The following UQCC1 variants were observed in gnomAD, a reference collection of about 807,000 sequenced individuals.
UQCC1 encodes the protein bFGF-repressed Zic-binding protein.
Under a neutral mutation model 48.0 loss-of-function variants are expected in UQCC1, and 38 were observed. The observed-to-expected ratio is 0.79, with a 90% CI of 0.61 to 1.04. UQCC1 has a LOEUF of 1.04. Among genes scored for constraint, UQCC1 ranks in the 50% least tolerant of loss-of-function variants. The probability of loss-of-function intolerance (pLI) is 0.00; values close to 1 mark genes in which losing one functional copy is unlikely to be tolerated. For synonymous variants in UQCC1, 111 were observed against 129.2 expected (o/e 0.86, Z 0.95); for missense variants, 368 against 381.8 (o/e 0.96, Z 0.30).
At chr20:35,404,119 C>A (rs755481927) in intron 1 of UQCC1, among the ~76,000 whole-genome samples, 1 of 151,464 alleles carries the variant, frequency 6.6e-6, no homozygotes, top group Non-Finnish European at 1.5e-5. Context: ...CAGTGGCTCA[C>A]GCTTGTAATC....
intron 1 of UQCC1, among the ~76,000 whole-genome samples, chr20:35,411,275 G>T (rs1440586709): frequency 6.6e-6 from 1 of 152,144 alleles, no homozygotes; most frequent in Non-Finnish European, 1.5e-5. Context: ...TTTCACACAC[G>T]GGTGCTAAAG....
chr20:35,410,890 A>C (rs761549224), intron 1 of UQCC1, among the ~76,000 whole-genome samples: 15 of 151,584 alleles, frequency 9.9e-5, no homozygotes, highest in Non-Finnish European at 1.8e-4. Flanking sequence ...TCTGGCAGTT[A>C]CAGGGGCTAC....
chr20:35,367,057 G>A (rs550196281), intron 5 of UQCC1, among the ~76,000 whole-genome samples: 49 of 139,668 alleles, frequency 3.5e-4, no homozygotes, highest in African/African-American at 1.2e-3. Context: ...TCACGTCACT[G>A]CACTCCAGCC....
At chr20:35,382,108 C>A in intron 3 of UQCC1, 83 bp from the exon 4 acceptor site, 1 of 836,750 alleles carries the variant, frequency 1.2e-6, no homozygotes. Flanking sequence ...GGTCTGAGAG[C>A]ATTTTTTTTT....
chr20:35,406,280 T>C (rs1015487880), intron 1 of UQCC1, among the ~76,000 whole-genome samples: 3 of 152,034 alleles, frequency 2.0e-5, no homozygotes, highest in African/African-American at 7.2e-5. Context: ...TAACTCCAAA[T>C]AGGATAAACA....
intron 1 of UQCC1, among the ~76,000 whole-genome samples, chr20:35,397,438 C>A (rs1237828209): frequency 6.7e-6 from 1 of 150,350 alleles, no homozygotes; most frequent in East Asian, 2.0e-4. Context: ...ATGGCATGAA[C>A]CCGGGAGGCG....
intron 2 of UQCC1, chr20:35,392,368 A>G: frequency 9.3e-7 from 1 of 1,076,562 alleles, no homozygotes; most frequent in Middle Eastern, 2.4e-4. Context: ...TCTGGTCAGC[A>G]TGAGATAAAC....
intron 2 of UQCC1, among the ~76,000 whole-genome samples, chr20:35,389,700 AG>A (rs1393883045): frequency 1.3e-5 from 2 of 152,272 alleles, no homozygotes; most frequent in African/African-American, 2.4e-5. Flanking sequence ...TTCTTACAAC[AG>A]AGTTCCAGTT....
intron 1 of UQCC1, among the ~76,000 whole-genome samples, chr20:35,399,331 C>G (rs2062126238): frequency 6.6e-6 from 1 of 152,154 alleles, no homozygotes; most frequent in East Asian, 1.9e-4. Flanking sequence ...CAGTGGTTTC[C>G]AAGGACCTCT....
intron 6 of UQCC1, among the ~76,000 whole-genome samples, chr20:35,354,877 A>T (rs1435701178): frequency 6.6e-6 from 1 of 152,210 alleles, no homozygotes; most frequent in East Asian, 1.9e-4. Context: ...AAGTGACATA[A>T]ACAAGAGTTA....
At chr20:35,339,317 T>C (rs2061352321) in intron 7 of UQCC1, among the ~76,000 whole-genome samples, 1 of 152,124 alleles carries the variant, frequency 6.6e-6, no homozygotes, top group Non-Finnish European at 1.5e-5. Context: ...GTGACCTACA[T>C]AAACCATGAG....
chr20:35,370,878 G>A (rs1465785919), intron 5 of UQCC1, among the ~76,000 whole-genome samples: 9 of 152,152 alleles, frequency 5.9e-5, no homozygotes, highest in Admixed American at 6.5e-5. Context: ...AGAAATCCCT[G>A]GATTTTAAAC....
At chr20:35,346,086 T>G (rs1256296044) in intron 7 of UQCC1, 1 of 151,680 alleles carries the variant, frequency 6.6e-6, no homozygotes, top group African/African-American at 2.4e-5. Flanking sequence ...CCAATCAGCA[T>G]TCTGTAAAAA....
chr20:35,393,977 A>C, intron 2 of UQCC1, 115 bp downstream of exon 2: 1 of 899,380 alleles, frequency 1.1e-6, no homozygotes, highest in Non-Finnish European at 1.8e-6. Context: ...AGAGACCCAG[A>C]GTGGTCTCAT....
At chr20:35,326,612 A>ACTCCGGGCCCTCTGCATT (rs1477926430) in intron 7 of UQCC1, among the ~76,000 whole-genome samples, 1 of 151,900 alleles carries the variant, frequency 6.6e-6, no homozygotes, top group East Asian at 1.9e-4. Flanking sequence ...CGGTATCATT[A>ACTCCGGGCCCTCTGCATT]CTCCGGGCCC....
chr20:35,323,119 T>C (rs1483528633), intron 7 of UQCC1, among the ~76,000 whole-genome samples: 1 of 152,192 alleles, frequency 6.6e-6, no homozygotes, highest in Non-Finnish European at 1.5e-5. Context: ...AGTGCTGGGA[T>C]TGCAGGCGTG....
chr20:35,357,552 C>G (rs746845518), intron 6 of UQCC1, among the ~76,000 whole-genome samples: 5 of 151,372 alleles, frequency 3.3e-5, no homozygotes, highest in Non-Finnish European at 7.4e-5. Context: ...TGGTGCATGA[C>G]TGTAGTCTCA....
chr20:35,353,127 G>C (rs1237391922), intron 6 of UQCC1, among the ~76,000 whole-genome samples: 5 of 152,064 alleles, frequency 3.3e-5, no homozygotes, highest in South Asian at 4.1e-4. Flanking sequence ...TTTAGGTTGG[G>C]AACAGTGGCT....
intron 1 of UQCC1, among the ~76,000 whole-genome samples, chr20:35,397,618 A>G (rs780192165): frequency 1.3e-5 from 2 of 152,158 alleles, no homozygotes; most frequent in Non-Finnish European, 2.9e-5. Context: ...ATAATACAGT[A>G]TAACAACTAT....
Sources: gnomAD v4.1 joint callset for allele counts (sites outside exome capture counted in the v4.1 genomes callset) on GRCh38, gnomAD v4.1.1 for gene constraint, MANE v1.5 for transcripts, NCBI Gene and HGNC (gene_info 2026-07-23, HGNC 2026-07-21) for gene names.